The following GOSR2 variants were observed in gnomAD, a reference collection of about 807,000 sequenced individuals.
GOSR2 encodes the protein 27 kDa Golgi SNARE protein.
In GOSR2, 20 loss-of-function variants were observed where a neutral mutation model predicts 27.9. That is an observed-to-expected ratio of 0.72 (90% CI 0.50 to 1.04). The LOEUF (loss-of-function observed/expected upper bound fraction) is 1.04. Among genes scored for constraint, GOSR2 ranks in the 50% least tolerant of loss-of-function variants. The pLI, the probability that GOSR2 is intolerant of heterozygous loss-of-function variation, is 0.00. For missense variants in GOSR2, 261 were observed against 270.5 expected (o/e 0.97, Z 0.25); for synonymous variants, 91 against 98.8 (o/e 0.92, Z 0.47).
chr17:46,932,207 A>G lies in GOSR2; in HGVS notation c.336+8A>G. 6.2e-7 allele frequency: 1 copy of G among 1,613,980 alleles called. No individual in the cohort carries two copies. The highest frequency in any genetic ancestry group is 8.5e-7 in the Non-Finnish European group (1 of 1,180,002). ...CGAACCTTCACCACTAACGTAAGCC[A>G]GGCCCGTGGTGAGGGTCGGCCTGCA... On this transcript the variant is annotated splice_region_variant and intron_variant, in intron 4 of 5. Transcript: ENST00000640051.
chr17:46,945,561 C>G (rs1378364632), downstream of GOSR2, among the ~76,000 whole-genome samples: 1 of 152,188 alleles, frequency 6.6e-6, no homozygotes, highest in Admixed American at 6.5e-5. Flanking sequence ...AACAGAATTG[C>G]ATCTTTGCTG....
chr17:46,941,040 T>TG lies in GOSR2; in HGVS notation c.*2281dup. 1 of 1,088,732 alleles carries TG rather than the reference T, an allele frequency of 9.2e-7. No homozygotes were observed. Among genetic ancestry groups the TG allele is most frequent in the Non-Finnish European group, 1.1e-6 (1 of 890,808 alleles). The allele number at this position is 1,088,732 out of a possible 1,614,324, so 67.4% of individuals were successfully genotyped here. A position where few individuals can be genotyped will look rare whatever the true frequency, so the allele number is the denominator to read the frequency against. On this transcript the variant is annotated 3_prime_UTR_variant, in exon 6 of 6. Coordinates refer to ENST00000640051, the MANE Select transcript of GOSR2 (RefSeq NM_004287.5). ...GGGGTGAATTCTTAGGTCGAGCTGA[T>TG]GCAAGAAACTCCGGTAGCCAGCCTC...
intron 5 of GOSR2, chr17:46,936,041 G>A: frequency 1.0e-6 from 1 of 985,808 alleles, no homozygotes; most frequent in Non-Finnish European, 1.2e-6. Flanking sequence ...TTTCTGAACA[G>A]TCCCTGCCAT....
chr17:46,972,656 A>G (rs1408644371), intron 6 of GOSR2, among the ~76,000 whole-genome samples: 2 of 152,206 alleles, frequency 1.3e-5, no homozygotes, highest in African/African-American at 2.4e-5. Flanking sequence ...CTCCCCTGCA[A>G]AGTGAGCCCC....
chr17:46,945,022 A>G (rs1416802791), downstream of GOSR2, among the ~76,000 whole-genome samples: 3 of 152,218 alleles, frequency 2.0e-5, no homozygotes, highest in Non-Finnish European at 4.4e-5. Flanking sequence ...TCTACTCGTG[A>G]AACAACCGAG....
chr17:46,940,071 G>C lies in GOSR2; in HGVS notation c.*1311G>C. ...CTGCTCTGTTAGTTTCTTGTTGCTT[G>C]AACTGTCTTCTGTCTTATTTCCCTT... On this transcript the variant is annotated 3_prime_UTR_variant, in exon 6 of 6. Coordinates refer to ENST00000640051, the MANE Select transcript of GOSR2 (RefSeq NM_004287.5). 3 of 1,093,906 alleles carry C rather than the reference G, an allele frequency of 2.7e-6. No individual in the cohort carries two copies. The highest frequency in any genetic ancestry group is 3.3e-6 in the Non-Finnish European group (3 of 897,250). The allele number at this position is 1,093,906 out of a possible 1,614,324, so 67.8% of individuals were successfully genotyped here.
chr17:46,958,864 T>G (rs570352541), intron 6 of GOSR2, among the ~76,000 whole-genome samples: 1 of 152,356 alleles, frequency 6.6e-6, no homozygotes, highest in African/African-American at 2.4e-5. Flanking sequence ...CCTCCCAGAC[T>G]TGCTGTGTGG....
chr17:46,942,930 G>A (rs1243466091), downstream of GOSR2, among the ~76,000 whole-genome samples: 5 of 152,010 alleles, frequency 3.3e-5, no homozygotes, highest in Non-Finnish European at 5.9e-5. Flanking sequence ...ATCCCTCCCC[G>A]CCTCATCCCC....
chr17:46,932,015 A>G, intron 3 of GOSR2, 52 bp from the exon 4 acceptor site: 1 of 1,584,906 alleles, frequency 6.3e-7, no homozygotes, highest in Non-Finnish European at 8.7e-7. Flanking sequence ...GCCCCCTCAG[A>G]TTCTGCTGCC....
chr17:46,935,800 A>G (rs1365331727), intron 5 of GOSR2: 21 of 986,554 alleles, frequency 2.1e-5, no homozygotes, highest in Non-Finnish European at 2.5e-5. Flanking sequence ...GTTTACAGAA[A>G]CATTACACAG....
intron 6 of GOSR2, among the ~76,000 whole-genome samples, chr17:46,948,179 C>T (rs891060684): frequency 6.6e-5 from 10 of 152,218 alleles, no homozygotes; most frequent in Non-Finnish European, 4.4e-5. Context: ...AGCAAGCCAC[C>T]TCACCTCTCC....
At chr17:46,974,437 C>T (rs774044345) in intron 6 of GOSR2, among the ~76,000 whole-genome samples, 1 of 152,270 alleles carries the variant, frequency 6.6e-6, no homozygotes, top group African/African-American at 2.4e-5. Context: ...TTGTGGGGAG[C>T]AAAGGAGGTC....
intron 6 of GOSR2, among the ~76,000 whole-genome samples, chr17:46,948,355 C>T (rs1015611141): frequency 1.3e-5 from 2 of 152,202 alleles, no homozygotes; most frequent in East Asian, 1.9e-4. Context: ...TGCATAGGAC[C>T]CAGGTCTGAT....
At chr17:46,953,109 C>A (rs1192690986) in intron 6 of GOSR2, among the ~76,000 whole-genome samples, 3 of 151,792 alleles carry the variant, frequency 2.0e-5, no homozygotes, top group African/African-American at 7.3e-5. Context: ...AGGTTTGTTA[C>A]ATATGTATAC....
At chr17:46,928,067 C>G (rs994976353) in intron 1 of GOSR2, among the ~76,000 whole-genome samples, 1 of 152,048 alleles carries the variant, frequency 6.6e-6, no homozygotes, top group East Asian at 1.9e-4. Flanking sequence ...ACATCAGCCC[C>G]CATACCTCCA....
At position 46,940,269 on chromosome 17, in the gene GOSR2, C is replaced by T; in HGVS notation, c.*1509C>T. 1 of 1,431,164 alleles carries T rather than the reference C, an allele frequency of 7.0e-7. No homozygotes were observed. Among genetic ancestry groups the T allele is most frequent in the Non-Finnish European group, 9.1e-7 (1 of 1,097,424 alleles). The allele number at this position is 1,431,164 out of a possible 1,614,324, so 88.7% of individuals were successfully genotyped here. A position where few individuals can be genotyped will look rare whatever the true frequency, so the allele number is the denominator to read the frequency against. On this transcript the variant is annotated 3_prime_UTR_variant, in exon 6 of 6. Coordinates refer to ENST00000640051, the MANE Select transcript of GOSR2 (RefSeq NM_004287.5). ...TCACACTTTCGGTTGGAGGAGATCT[C>T]CATTGTTCCTACCCCTCCGGGCCAA...
At chr17:46,958,146 A>G (rs568946405) in intron 6 of GOSR2, among the ~76,000 whole-genome samples, 1 of 152,302 alleles carries the variant, frequency 6.6e-6, no homozygotes, top group East Asian at 1.9e-4. Context: ...GCAACTGGCC[A>G]GGGGGCCTCA....
downstream of GOSR2, among the ~76,000 whole-genome samples, chr17:46,946,263 C>T (rs528932601): frequency 1.7e-4 from 24 of 144,522 alleles, no homozygotes; most frequent in African/African-American, 5.7e-4. Context: ...TGGAGAAACC[C>T]TGTCTCTACT....
intron 6 of GOSR2, among the ~76,000 whole-genome samples, chr17:46,958,762 A>G (rs1481709802): frequency 6.6e-6 from 1 of 152,234 alleles, no homozygotes; most frequent in Non-Finnish European, 1.5e-5. Context: ...AGGTTCTGGG[A>G]CATTTAAGTC....
Sources: gnomAD v4.1 joint callset for allele counts (sites outside exome capture counted in the v4.1 genomes callset) on GRCh38, gnomAD v4.1.1 for gene constraint, MANE v1.5 for transcripts, NCBI Gene and HGNC (gene_info 2026-07-23, HGNC 2026-07-21) for gene names.